The following PKP2 variants were observed in gnomAD, a reference collection of about 807,000 sequenced individuals.
The protein encoded by PKP2 is plakophilin 2.
In PKP2, 73 loss-of-function variants were observed where a neutral mutation model predicts 83.4. The observed-to-expected ratio is 0.88, with a 90% CI of 0.72 to 1.06. PKP2 has a LOEUF of 1.06. Among genes scored for constraint, PKP2 ranks in the 50% least tolerant of loss-of-function variants. The probability of loss-of-function intolerance (pLI) is 0.00; values close to 1 mark genes in which losing one functional copy is unlikely to be tolerated. For synonymous variants in PKP2, 409 were observed against 430.4 expected (o/e 0.95, Z 0.62); for missense variants, 966 against 1,065.4 (o/e 0.91, Z 1.30).
At chr12:32,843,472 T>A (rs1024590624) in intron 5 of PKP2, among the ~76,000 whole-genome samples, 6 of 152,246 alleles carry the variant, frequency 3.9e-5, no homozygotes, top group African/African-American at 9.6e-5. Flanking sequence ...TACTTATATT[T>A]GGTCCAACCA....
intron 5 of PKP2, among the ~76,000 whole-genome samples, chr12:32,845,011 A>C (rs1199511532): frequency 2.0e-5 from 3 of 152,102 alleles, no homozygotes; most frequent in African/African-American, 7.2e-5. Context: ...ATTTTTTCAT[A>C]GTGTCTTAAT....
Position 32,885,660 on chromosome 12 carries a change from T to TCC in PKP2, c.224-6630_224-6629dup, listed in dbSNP as rs149195097. On this transcript the variant is annotated intron_variant, in intron 1 of 12. Transcript: ENST00000340811. The stretch of plus-strand genomic sequence containing the variant: ...GCCTGGGCAACAGAGCAAGATTCCG[T>TCC]CCCCCCCCCAAAAAAAAAACTAAGT... Among the ~76,000 whole-genome samples the TCC allele has an allele frequency of 2.1e-4, 30 of 144,134 alleles. No homozygotes were observed. In the South Asian group the frequency reaches 3.8e-3, roughly 18 times the overall value. 94.6% of individuals were successfully genotyped at this position (144,134 alleles called of 152,430 possible).
intron 6 of PKP2, among the ~76,000 whole-genome samples, chr12:32,838,236 A>T (rs1223869534): frequency 6.6e-6 from 1 of 152,222 alleles, no homozygotes; most frequent in African/African-American, 2.4e-5. Flanking sequence ...CAGAAAACCA[A>T]ATATCACATG....
rs1438654421 is a variant in PKP2, at chr12:32,848,301, G to A, written c.1378+2465C>T. 3.3e-5 allele frequency among the ~76,000 whole-genome samples: 5 copies of A among 152,148 alleles called. No individual in the cohort carries two copies. The East Asian group carries it at 9.6e-4, about 29-fold the overall frequency. On this transcript the variant is annotated intron_variant, in intron 5 of 12. Transcript: ENST00000340811. ...TAGCTGGGCGTGGTGGTGGGCACCT[G>A]TAATCCCAGCTACTTGGGAGACTGA...
At chr12:32,895,718 C>T (rs1006284556) in intron 1 of PKP2, among the ~76,000 whole-genome samples, 4 of 152,204 alleles carry the variant, frequency 2.6e-5, no homozygotes, top group Admixed American at 2.6e-4. Flanking sequence ...CTTCCACCTC[C>T]CCCGTCTATC....
chr12:32,844,071 G>T (rs192313141), intron 5 of PKP2, among the ~76,000 whole-genome samples: 5 of 152,220 alleles, frequency 3.3e-5, no homozygotes, highest in Admixed American at 3.3e-4. Flanking sequence ...CAAAGGGAGT[G>T]GAATTTTCCT....
At chr12:32,883,207 T>C (rs1475171772) in intron 1 of PKP2, among the ~76,000 whole-genome samples, 1 of 152,240 alleles carries the variant, frequency 6.6e-6, no homozygotes, top group Non-Finnish European at 1.5e-5. Context: ...ATGAAAGATG[T>C]GACTCCAGAT....
Position 32,850,702 on chromosome 12 carries a change from A to G in PKP2, c.1378+64T>C, listed in dbSNP as rs1956687716. ...GCTCCAGGAAACTTAAGAAAAAGAG[A>G]TGATGTAAGGCATCTGGCTGGGGTG... On this transcript the variant is annotated intron_variant, in intron 5 of 12. Transcript: ENST00000340811. The G allele has an allele frequency of 1.6e-5, 20 of 1,228,510 alleles. No homozygotes were observed. The Admixed American group carries it at 3.5e-4, about 21-fold the overall frequency. The allele number at this position is 1,228,510 out of a possible 1,614,324, so 76.1% of individuals were successfully genotyped here.
chr12:32,843,314 C>T lies in PKP2; in HGVS notation c.1379-2109G>A, dbSNP rs139159464. 8.9e-5 allele frequency: 121 copies of T among 1,365,274 alleles called. No homozygotes were observed. The African/African-American group carries it at 1.6e-3, about 18-fold the overall frequency. The allele number at this position is 1,365,274 out of a possible 1,614,324, so 84.6% of individuals were successfully genotyped here. ...CTACTTCTTAAATTGACTGTATGGT[C>T]TGTACAAAGGAAAGAGGAAGCATAG... is the stretch of plus-strand genomic sequence containing the variant. On this transcript the variant is annotated intron_variant, in intron 5 of 12. Coordinates refer to ENST00000340811, the MANE Select transcript of PKP2 (RefSeq NM_001005242.3).
At chr12:32,803,925 C>T (rs1284332534) in intron 9 of PKP2, among the ~76,000 whole-genome samples, 1 of 152,192 alleles carries the variant, frequency 6.6e-6, no homozygotes, top group Admixed American at 6.5e-5. Context: ...TTATTCCTGA[C>T]TCTGAATTCA....
chr12:32,800,983 A>T (rs752304057), intron 10 of PKP2, among the ~76,000 whole-genome samples: 2 of 152,248 alleles, frequency 1.3e-5, no homozygotes, highest in African/African-American at 2.4e-5. Flanking sequence ...AACACAAAGC[A>T]TGTGTTCAAG....
intron 3 of PKP2, among the ~76,000 whole-genome samples, chr12:32,871,516 A>G (rs2137927236): frequency 6.6e-6 from 1 of 151,578 alleles, no homozygotes; most frequent in South Asian, 2.1e-4. Flanking sequence ...CCCAGGCTGG[A>G]GTGCAGTGGC....
intron 6 of PKP2, among the ~76,000 whole-genome samples, chr12:32,832,623 T>C (rs1956510614): frequency 6.6e-6 from 1 of 152,328 alleles, no homozygotes; most frequent in Admixed American, 6.5e-5. Context: ...CTTTCTATTT[T>C]TGGGAAAGCC....
chr12:32,892,983 C>T (rs947614622), intron 1 of PKP2, among the ~76,000 whole-genome samples: 14 of 152,160 alleles, frequency 9.2e-5, no homozygotes, highest in Admixed American at 2.6e-4. Context: ...ACTTACTTCA[C>T]AATGCTGCTA....
chr12:32,837,719 A>C (rs1956555701), intron 6 of PKP2, among the ~76,000 whole-genome samples: 1 of 152,204 alleles, frequency 6.6e-6, no homozygotes, highest in Admixed American at 6.5e-5. Flanking sequence ...GCATTGCTAC[A>C]ACCAACCAAT....
chr12:32,874,667 C>T (rs542324854), intron 3 of PKP2, among the ~76,000 whole-genome samples: 1 of 152,248 alleles, frequency 6.6e-6, no homozygotes, highest in African/African-American at 2.4e-5. Flanking sequence ...AGAATTTGAG[C>T]AACAAAAGAA....
At chr12:32,801,349 GC>G (rs1283671816) in intron 10 of PKP2, among the ~76,000 whole-genome samples, 4 of 150,800 alleles carry the variant, frequency 2.7e-5, no homozygotes, top group Non-Finnish European at 4.4e-5. Context: ...ATAATACACT[GC>G]CATTGAAGTT....
At chr12:32,843,961 T>G (rs1290083445) in intron 5 of PKP2, among the ~76,000 whole-genome samples, 2 of 152,166 alleles carry the variant, frequency 1.3e-5, no homozygotes, top group Non-Finnish European at 2.9e-5. Context: ...AGCTTAAGAA[T>G]GTGAAGCATA....
intron 5 of PKP2, among the ~76,000 whole-genome samples, chr12:32,848,265 A>G (rs1956666240): frequency 6.6e-6 from 1 of 152,274 alleles, no homozygotes; most frequent in East Asian, 1.9e-4. Context: ...TCTACTAAAA[A>G]TACAAAAAAT....
Sources: gnomAD v4.1 joint callset for allele counts (sites outside exome capture counted in the v4.1 genomes callset) on GRCh38, gnomAD v4.1.1 for gene constraint, MANE v1.5 for transcripts, NCBI Gene and HGNC (gene_info 2026-07-23, HGNC 2026-07-21) for gene names.